Variants in GTF2IRD1 observed in about 807,000 individuals in gnomAD.
GTF2IRD1 encodes the protein general transcription factor II-I repeat domain-containing protein 1.
Under a neutral mutation model 113.2 loss-of-function variants are expected in GTF2IRD1, and 26 were observed. The observed-to-expected ratio is 0.23, with a 90% confidence interval of 0.17 to 0.32. The LOEUF is 0.32. GTF2IRD1 is among the 10% of genes least tolerant of loss of function. The pLI is 1.00. For missense variants in GTF2IRD1, 864 were observed against 1,280.8 expected (o/e 0.67, Z 4.97); for synonymous variants, 484 against 529.1 (o/e 0.91, Z 1.17).
intron 1 of GTF2IRD1, among the ~76,000 whole-genome samples, chr7:74,471,916 C>T (rs998943064): frequency 2.0e-5 from 3 of 152,020 alleles, no homozygotes; most frequent in Non-Finnish European, 4.4e-5. Context: ...TGCTTGAATC[C>T]GGGAGGCGGA....
At chr7:74,533,027 G>C (rs782164309) in intron 9 of GTF2IRD1, among the ~76,000 whole-genome samples, 1 of 152,036 alleles carries the variant, frequency 6.6e-6, no homozygotes, top group Non-Finnish European at 1.5e-5. Context: ...AAGAATGCCA[G>C]AACTCCAGTC....
At chr7:74,504,671 C>T (rs1436632420) in intron 1 of GTF2IRD1, among the ~76,000 whole-genome samples, 1 of 150,112 alleles carries the variant, frequency 6.7e-6, no homozygotes, top group East Asian at 2.0e-4. Context: ...AGGATAGTAG[C>T]TCATGCGGGC....
At chr7:74,552,943 T>C (rs1799396632) in intron 17 of GTF2IRD1, among the ~76,000 whole-genome samples, 1 of 152,150 alleles carries the variant, frequency 6.6e-6, no homozygotes, top group African/African-American at 2.4e-5. Flanking sequence ...GTTCCAGCGA[T>C]TCCCCGGCCT....
At position 74,547,129 on chromosome 7, in the gene GTF2IRD1, G is replaced by A. The variant is rs781842329; in HGVS notation, c.1759G>A (p.Val587Ile). ...CAAGGCCATTGGCATCTCGGAGCCC[G>A]TCAAGGTGCCGTACTCCAAGTTTCT... The part of the protein sequence containing the change: ...YAKAIGISEP[V>I]KVPYSKFLMH... Residue 587 changes from valine (V) to isoleucine (I), a missense_variant, in exon 17 of 27, where the codon GTC becomes ATC. Transcript: ENST00000424337. 6.8e-6 allele frequency: 11 copies of A among 1,613,072 alleles called. No homozygotes were observed. Among genetic ancestry groups the A allele is most frequent in the Middle Eastern group, 1.7e-4 (1 of 5,756 alleles).
chr7:74,498,930 A>G (rs1795874362), intron 1 of GTF2IRD1, among the ~76,000 whole-genome samples: 1 of 151,896 alleles, frequency 6.6e-6, no homozygotes, highest in Non-Finnish European at 1.5e-5. Context: ...GGGTTTCACC[A>G]TGTTGGCCAG....
chr7:74,569,366 C>T (rs1472577674), intron 22 of GTF2IRD1, among the ~76,000 whole-genome samples: 1 of 152,204 alleles, frequency 6.6e-6, no homozygotes, highest in Non-Finnish European at 1.5e-5. Flanking sequence ...GAGCAAACAG[C>T]CTGAAACAGA....
At chr7:74,484,583 C>T (rs541894172) in intron 1 of GTF2IRD1, among the ~76,000 whole-genome samples, 2 of 152,084 alleles carry the variant, frequency 1.3e-5, no homozygotes, top group Non-Finnish European at 2.9e-5. Flanking sequence ...CTCAGCCTCC[C>T]GAGTAGCTGT....
intron 8 of GTF2IRD1, among the ~76,000 whole-genome samples, chr7:74,525,989 G>C (rs2130378025): frequency 6.6e-6 from 1 of 152,280 alleles, no homozygotes; most frequent in East Asian, 1.9e-4. Context: ...GGGATAGCCA[G>C]CTACCTTTGA....
chr7:74,455,986 A>T (rs1260766443), intron 1 of GTF2IRD1, among the ~76,000 whole-genome samples: 1 of 152,222 alleles, frequency 6.6e-6, no homozygotes, highest in Non-Finnish European at 1.5e-5. Flanking sequence ...AAACCTACTT[A>T]AAAGGACTGT....
Position 74,529,921 on chromosome 7 carries a change from C to T in GTF2IRD1, c.1274+4C>T, listed in dbSNP as rs371542314. 2.9e-5 allele frequency: 46 copies of T among 1,608,514 alleles called. No individual in the cohort carries two copies. The highest frequency in any genetic ancestry group is 8.0e-5 in the African/African-American group (6 of 74,910). On this transcript the variant is annotated splice_donor_region_variant and intron_variant, in intron 9 of 26. Transcript: ENST00000424337. The stretch of plus-strand genomic sequence containing the variant: ...GTATCCACTTCATCATTAAGAGGTG[C>T]GGGTGGGGCTGGGCGCAGTGGCTCA...
intron 22 of GTF2IRD1, among the ~76,000 whole-genome samples, chr7:74,576,221 A>G (rs1166604848): frequency 6.6e-6 from 1 of 151,890 alleles, no homozygotes; most frequent in Non-Finnish European, 1.5e-5. Context: ...ATTGCCTTAC[A>G]GTTTTGGAGA....
At chr7:74,476,370 T>TTTTTTTTTTTA (rs1794406943) in intron 1 of GTF2IRD1, among the ~76,000 whole-genome samples, 2 of 136,616 alleles carry the variant, frequency 1.5e-5, no homozygotes, top group Admixed American at 1.5e-4. Flanking sequence ...AACCTCCTTT[T>TTTTTTTTTTTA]TTTTTTTCTT....
chr7:74,501,507 G>A (rs568445073), intron 1 of GTF2IRD1, among the ~76,000 whole-genome samples: 7 of 152,250 alleles, frequency 4.6e-5, no homozygotes, highest in East Asian at 3.9e-4. Context: ...AGCGAGAGTC[G>A]TCATGGCCGA....
intron 4 of GTF2IRD1, among the ~76,000 whole-genome samples, 191 bp from the exon 5 acceptor site, chr7:74,517,948 C>A (rs1554345004): frequency 6.6e-6 from 1 of 152,164 alleles, no homozygotes; most frequent in African/African-American, 2.4e-5. Context: ...GACAATTGGG[C>A]CTTGTCCACA....
intron 11 of GTF2IRD1, among the ~76,000 whole-genome samples, chr7:74,537,794 T>C (rs1554350563): frequency 6.6e-6 from 1 of 152,042 alleles, no homozygotes; most frequent in Admixed American, 6.6e-5. Flanking sequence ...CAGGTCTCAG[T>C]CCCCCACAAG....
intron 8 of GTF2IRD1, among the ~76,000 whole-genome samples, chr7:74,528,973 G>A (rs1053762149): frequency 2.7e-5 from 4 of 147,500 alleles, no homozygotes; most frequent in Non-Finnish European, 4.5e-5. Flanking sequence ...ATGGATGGAT[G>A]GATGGATGGA....
intron 22 of GTF2IRD1, among the ~76,000 whole-genome samples, chr7:74,576,041 G>T (rs1278872481): frequency 6.6e-6 from 1 of 151,840 alleles, no homozygotes; most frequent in Non-Finnish European, 1.5e-5. Context: ...CACACCTGTG[G>T]TCCCAGCTAC....
intron 1 of GTF2IRD1, among the ~76,000 whole-genome samples, chr7:74,482,835 T>A (rs1554334903): frequency 6.6e-6 from 1 of 152,182 alleles, no homozygotes; most frequent in Admixed American, 6.5e-5. Flanking sequence ...TGTGGTTTGC[T>A]CATACGTCTG....
In GTF2IRD1 at chr7:74,529,751, G is replaced by A. The variant is rs1554348226; in HGVS notation, c.1108G>A (p.Asp370Asn). The A allele has an allele frequency of 6.2e-7, 1 of 1,614,080 alleles. No individual in the cohort carries two copies. The highest frequency in any genetic ancestry group is 1.1e-5 in the South Asian group (1 of 91,070). Residue 370 changes from aspartate (D) to asparagine (N), a missense_variant, in exon 9 of 27, where the codon GAC (aspartate) becomes AAC (asparagine). Coordinates refer to ENST00000424337, the MANE Select transcript of GTF2IRD1 (RefSeq NM_005685.4). ...CTTTCCAGCGGAAGCCCTGGGCCTGGACCACATGGTCCCCGTGCCCTACCG... is the reference window on the plus strand; with the variant it reads ...CTTTCCAGCGGAAGCCCTGGGCCTGAACCACATGGTCCCCGTGCCCTACCG... Reference protein sequence around the residue: ...NSRYAEALGLDHMVPVPYRKI... With the variant: ...NSRYAEALGLNHMVPVPYRKI...
Sources: allele counts gnomAD v4.1 joint callset (sites outside exome capture counted in the v4.1 genomes callset), GRCh38; gene constraint gnomAD v4.1.1; transcripts MANE v1.5; gene names NCBI Gene and HGNC (gene_info 2026-07-23, HGNC 2026-07-21).